The following SMARCAD1 variants were observed in gnomAD, a reference collection of about 807,000 sequenced individuals.
SMARCAD1 encodes the protein SNF2 related chromatin remodeling ATPase with DExD box 1.
A neutral mutation model predicts 127.1 loss-of-function variants in SMARCAD1; 25 were observed. The ratio of observed to expected loss-of-function variants is 0.20; its 90% confidence interval spans 0.14 to 0.27. The LOEUF is 0.27. SMARCAD1 is among the 10% of genes least tolerant of loss of function. The probability of loss-of-function intolerance (pLI) is 1.00; values close to 1 mark genes in which losing one functional copy is unlikely to be tolerated. For synonymous variants in SMARCAD1, 400 were observed against 396.9 expected (o/e 1.01, Z -0.09); for missense variants, 807 against 1,206.0 (o/e 0.67, Z 4.90).
chr4:94,230,156 T>C (rs1316717957), intron 3 of SMARCAD1, among the ~76,000 whole-genome samples: 1 of 152,142 alleles, frequency 6.6e-6, no homozygotes, highest in Admixed American at 6.5e-5. Context: ...ATTTAAAATA[T>C]GAACAAGATT....
intron 3 of SMARCAD1, among the ~76,000 whole-genome samples, chr4:94,230,551 G>A (rs1386687597): frequency 6.6e-6 from 1 of 152,102 alleles, no homozygotes; most frequent in African/African-American, 2.4e-5. Context: ...TCTTTGTTGT[G>A]AGGTGCTGCC....
At chr4:94,275,031 T>C in intron 14 of SMARCAD1, 66 bp downstream of exon 14, 2 of 1,086,358 alleles carry the variant, frequency 1.8e-6, no homozygotes, top group African/African-American at 1.5e-5. Flanking sequence ...AAAGAAATTG[T>C]AGTAGTACTA....
intron 9 of SMARCAD1, among the ~76,000 whole-genome samples, chr4:94,259,364 T>G (rs1750608897): frequency 6.6e-6 from 1 of 152,214 alleles, no homozygotes; most frequent in Non-Finnish European, 1.5e-5. Flanking sequence ...CACAGTAAAT[T>G]CATTCAATTA....
chr4:94,244,546 G>C (rs1481572278), intron 6 of SMARCAD1, among the ~76,000 whole-genome samples: 1 of 152,146 alleles, frequency 6.6e-6, no homozygotes, highest in African/African-American at 2.4e-5. Flanking sequence ...TAACATAACT[G>C]TGATATTTGG....
At chr4:94,276,789 C>G (rs900841793) in intron 15 of SMARCAD1, among the ~76,000 whole-genome samples, 1 of 152,064 alleles carries the variant, frequency 6.6e-6, no homozygotes, top group Non-Finnish European at 1.5e-5. Context: ...AAAGGTGATA[C>G]GAGGACACAA....
chr4:94,261,871 A>C (rs1332980342), intron 9 of SMARCAD1, among the ~76,000 whole-genome samples: 1 of 152,098 alleles, frequency 6.6e-6, no homozygotes, highest in Admixed American at 6.5e-5. Flanking sequence ...TGGCCTCCCA[A>C]CATGCTGGGA....
rs1295053524 is a variant in SMARCAD1, at chr4:94,208,001, G to A, written c.-119G>A. 1.0e-5 allele frequency: 4 copies of A among 398,332 alleles called. No homozygotes were observed. The highest frequency in any genetic ancestry group is 8.3e-5 in the African/African-American group (4 of 48,308). 24.7% of individuals were successfully genotyped at this position (398,332 alleles called of 1,614,324 possible). On this transcript the variant is annotated 5_prime_UTR_variant, in exon 1 of 24. Transcript: ENST00000354268. ...GGCAGGGGGCACGGTAGCACAGGGA[G>A]CTTCTCTTTGTGGGCGGGCGCGAGG...
At chr4:94,234,934 G>A (rs1209550624) in intron 4 of SMARCAD1, among the ~76,000 whole-genome samples, 1 of 152,020 alleles carries the variant, frequency 6.6e-6, no homozygotes, top group Non-Finnish European at 1.5e-5. Context: ...TTTTTAAAGG[G>A]GTAGCTGCTG....
chr4:94,212,730 G>A (rs11947059), intron 2 of SMARCAD1, among the ~76,000 whole-genome samples: 231 of 151,886 alleles, frequency 1.5e-3, no homozygotes, highest in Middle Eastern at 6.8e-3. Flanking sequence ...CAGGCTATCT[G>A]CCTGCCTTGG....
intron 2 of SMARCAD1, chr4:94,213,161 A>G: frequency 3.3e-6 from 4 of 1,222,920 alleles, no homozygotes; most frequent in Non-Finnish European, 4.3e-6. Flanking sequence ...TGGTATGTAA[A>G]TATATAGTTA....
At chr4:94,238,613 A>AAAAGAAAGAAAG (rs564244248) in intron 5 of SMARCAD1, among the ~76,000 whole-genome samples, 5 of 151,876 alleles carry the variant, frequency 3.3e-5, no homozygotes, top group South Asian at 2.1e-4. Context: ...ACCCTGTCTC[A>AAAAGAAAGAAAG]AAAGAAAGAA....
intron 9 of SMARCAD1, chr4:94,253,229 TG>T: frequency 6.6e-7 from 1 of 1,503,988 alleles, no homozygotes; most frequent in East Asian, 2.6e-5. Context: ...AAACCCAAGC[TG>T]ATTGGCTGGG....
At chr4:94,228,634 GA>G (rs113881690) in intron 3 of SMARCAD1, among the ~76,000 whole-genome samples, 1,529 of 140,572 alleles carry the variant, frequency 0.011, 20 homozygotes, top group African/African-American at 0.036. Flanking sequence ...ATCTTGCAGT[GA>G]AAAAAAAAAA....
chr4:94,245,248 C>T (rs1441185138), intron 6 of SMARCAD1, among the ~76,000 whole-genome samples: 2 of 152,200 alleles, frequency 1.3e-5, no homozygotes, highest in Non-Finnish European at 2.9e-5. Context: ...AGAAAACATT[C>T]AGCAACTTGC....
intron 23 of SMARCAD1, among the ~76,000 whole-genome samples, chr4:94,286,870 C>T (rs1755012024): frequency 6.6e-6 from 1 of 152,326 alleles, no homozygotes; most frequent in South Asian, 2.1e-4. Flanking sequence ...ATCCTGCCCT[C>T]TCCTTACCAC....
intron 6 of SMARCAD1, among the ~76,000 whole-genome samples, chr4:94,247,951 T>G (rs1748705794): frequency 6.6e-6 from 1 of 152,210 alleles, no homozygotes; most frequent in Non-Finnish European, 1.5e-5. Flanking sequence ...ACCCAGATAG[T>G]AAGGATAGTA....
At chr4:94,245,628 A>G (rs188540040) in intron 6 of SMARCAD1, among the ~76,000 whole-genome samples, 1 of 152,222 alleles carries the variant, frequency 6.6e-6, no homozygotes, top group African/African-American at 2.4e-5. Flanking sequence ...GTTTTTTGCC[A>G]CTTTACAATA....
At chr4:94,216,878 T>A (rs1405090095) in intron 2 of SMARCAD1, among the ~76,000 whole-genome samples, 1 of 152,220 alleles carries the variant, frequency 6.6e-6, no homozygotes, top group Non-Finnish European at 1.5e-5. Flanking sequence ...TGAATTGTAT[T>A]GCAGTAAACA....
chr4:94,242,306 A>G (rs1349043292), intron 6 of SMARCAD1, among the ~76,000 whole-genome samples: 1 of 151,906 alleles, frequency 6.6e-6, no homozygotes, highest in African/African-American at 2.4e-5. Flanking sequence ...CGGCTTCCCA[A>G]AGTGCTGAGA....
Sources: allele counts gnomAD v4.1 joint callset (sites outside exome capture counted in the v4.1 genomes callset), GRCh38; gene constraint gnomAD v4.1.1; transcripts MANE v1.5; gene names NCBI Gene and HGNC (gene_info 2026-07-23, HGNC 2026-07-21).